MDGA2: variants seen among roughly 807,000 people sequenced by gnomAD.
MDGA2 encodes the protein MAM domain containing glycosylphosphatidylinositol anchor 2.
MDGA2 carries 40 observed loss-of-function variants against 117.8 expected under a neutral mutation model. That is an observed-to-expected ratio of 0.34 (90% CI 0.26 to 0.44). The LOEUF is 0.44. MDGA2 is among the 20% of genes least tolerant of loss of function. The pLI is 1.00. For synonymous variants in MDGA2, 452 were observed against 439.0 expected, an observed-to-expected ratio of 1.03 and a Z score of -0.37; for missense variants, 1,123 against 1,250.6, an observed-to-expected ratio of 0.90 and a Z score of 1.54.
intron 6 of MDGA2, among the ~76,000 whole-genome samples, chr14:47,062,767 A>T (rs1889937666): frequency 6.6e-6 from 1 of 152,096 alleles, no homozygotes; most frequent in Non-Finnish European, 1.5e-5. Context: ...AATAAAAACC[A>T]GTAAGCACTA....
Position 47,388,873 on chromosome 14 carries a change from T to C in MDGA2, c.281-87323A>G, listed in dbSNP as rs118164430. Reference sequence around the variant, plus strand: ...CATACGATGACACACTCAGCCTCCTTGCAGTATAAAGTGCTTTCTACCTCT... The same window carrying C: ...CATACGATGACACACTCAGCCTCCTCGCAGTATAAAGTGCTTTCTACCTCT... On this transcript the variant is annotated intron_variant, in intron 1 of 16. Transcript: ENST00000399232. Among the ~76,000 whole-genome samples the C allele has an allele frequency of 3.5e-4, 54 of 152,274 alleles. 1 individual carries two copies. In the East Asian group the frequency reaches 8.7e-3, roughly 25 times the overall value.
intron 1 of MDGA2, among the ~76,000 whole-genome samples, chr14:47,392,030 G>A (rs1190684893): frequency 6.6e-6 from 1 of 152,118 alleles, no homozygotes; most frequent in East Asian, 1.9e-4. Context: ...CTGTAACAGG[G>A]TGACCTTAAA....
chr14:47,171,924 T>C (rs975793416), intron 3 of MDGA2, among the ~76,000 whole-genome samples: 1 of 152,102 alleles, frequency 6.6e-6, no homozygotes, highest in African/African-American at 2.4e-5. Flanking sequence ...GCACCTGGAA[T>C]ATCGGGTCAT....
At position 47,212,429 on chromosome 14, in the gene MDGA2, A is replaced by G. The variant is rs139179105; in HGVS notation, c.595+5592T>C. On this transcript the variant is annotated intron_variant, in intron 3 of 16. Coordinates refer to ENST00000399232, the MANE Select transcript of MDGA2 (RefSeq NM_001113498.3). ...CACATCTGTACTTTATTAATTTTTT[A>G]AAAATCAAACTATGCAAGTGCAGTT... Among the ~76,000 whole-genome samples the G allele has an allele frequency of 6.0e-3, 918 of 152,294 alleles. 5 individuals carry two copies. The highest frequency in any genetic ancestry group is 9.8e-3 in the Non-Finnish European group (669 of 68,014).
intron 1 of MDGA2, among the ~76,000 whole-genome samples, chr14:47,478,254 T>A (rs1295747864): frequency 6.6e-6 from 1 of 152,214 alleles, no homozygotes; most frequent in Non-Finnish European, 1.5e-5. Context: ...AGGAGACATA[T>A]TTTTAACATG....
intron 2 of MDGA2, among the ~76,000 whole-genome samples, chr14:47,242,038 C>T (rs991540089): frequency 1.3e-5 from 2 of 151,620 alleles, no homozygotes; most frequent in African/African-American, 4.8e-5. Flanking sequence ...TTTTATTTTC[C>T]TTAGTATCTT....
intron 9 of MDGA2, among the ~76,000 whole-genome samples, chr14:46,950,220 T>C (rs1885321276): frequency 6.6e-6 from 1 of 151,874 alleles, no homozygotes; most frequent in Admixed American, 6.6e-5. Context: ...TCCTAATTTT[T>C]CAGATTTCGC....
chr14:47,641,536 C>G (rs898473304), intron 1 of MDGA2, among the ~76,000 whole-genome samples: 1 of 151,808 alleles, frequency 6.6e-6, no homozygotes, highest in African/African-American at 2.4e-5. Context: ...GAGAGGATAC[C>G]AAAAAGAAAC....
intron 8 of MDGA2, among the ~76,000 whole-genome samples, chr14:46,972,223 G>C (rs1886297671): frequency 6.6e-6 from 1 of 152,134 alleles, no homozygotes; most frequent in African/African-American, 2.4e-5. Flanking sequence ...AAACTGAATT[G>C]TTGAATACCC....
At chr14:47,067,010 G>A (rs972886940) in intron 6 of MDGA2, among the ~76,000 whole-genome samples, 1 of 152,144 alleles carries the variant, frequency 6.6e-6, no homozygotes, top group African/African-American at 2.4e-5. Context: ...AGCTACTTGG[G>A]AGGCTTAGGC....
intron 9 of MDGA2, among the ~76,000 whole-genome samples, chr14:46,937,607 T>A (rs964148560): frequency 6.6e-6 from 1 of 152,098 alleles, no homozygotes; most frequent in African/African-American, 2.4e-5. Context: ...TGCTGGCACA[T>A]AGACGAATGG....
At position 46,884,783 on chromosome 14, in the gene MDGA2, C is replaced by T. The variant is rs1882605273; in HGVS notation, c.2239-2562G>A. On this transcript the variant is annotated intron_variant, in intron 10 of 16. Transcript: ENST00000399232. The surrounding 1 kb of genome is among the most constrained non-coding windows in gnomAD (Gnocchi z 4.1). ...ATTAAACAATTAAATTTAAAACATA[C>T]AATTTAAATCAGTTAGGAAAAATAC... Among the ~76,000 whole-genome samples the T allele has an allele frequency of 6.6e-6, 1 of 151,768 alleles. No homozygotes were observed.
At chr14:47,271,553 C>T (rs1888144444) in intron 2 of MDGA2, among the ~76,000 whole-genome samples, 1 of 152,084 alleles carries the variant, frequency 6.6e-6, no homozygotes, top group African/African-American at 2.4e-5. Flanking sequence ...GTGCTCATTG[C>T]CCTGGAAGGA....
At chr14:47,146,369 T>C (rs1269920532) in intron 3 of MDGA2, among the ~76,000 whole-genome samples, 1 of 152,200 alleles carries the variant, frequency 6.6e-6, no homozygotes, top group Non-Finnish European at 1.5e-5. Context: ...GAACAACTGC[T>C]GCTTTTTGGT....
intron 2 of MDGA2, among the ~76,000 whole-genome samples, chr14:47,226,647 C>T (rs1812235733): frequency 6.6e-6 from 1 of 152,044 alleles, no homozygotes; most frequent in Non-Finnish European, 1.5e-5. Flanking sequence ...GGTGCAAATG[C>T]TTATAAATAT....
intron 10 of MDGA2, among the ~76,000 whole-genome samples, chr14:46,901,267 G>A (rs1883275797): frequency 6.6e-6 from 1 of 151,860 alleles, no homozygotes; most frequent in African/African-American, 2.4e-5. Flanking sequence ...ACACCAACAC[G>A]GCACATGTAT....
At chr14:46,949,046 T>C (rs1885275027) in intron 9 of MDGA2, among the ~76,000 whole-genome samples, 1 of 152,040 alleles carries the variant, frequency 6.6e-6, no homozygotes, top group Admixed American at 6.6e-5. Flanking sequence ...TACTGCTTTG[T>C]TTTTAAAACA....
chr14:47,477,356 A>G lies in MDGA2; in HGVS notation c.281-175806T>C, dbSNP rs557282305. ...AGAAAACATGTATTTCAATTTTAAT[A>G]TCTTTGGAACCTAAAGTAGTGTCAA... On this transcript the variant is annotated intron_variant, in intron 1 of 16. Transcript: ENST00000399232. Among the ~76,000 whole-genome samples, 5 of 152,282 alleles carry G rather than the reference A, an allele frequency of 3.3e-5. No homozygotes were observed. The South Asian group carries it at 6.2e-4, about 19-fold the overall frequency.
At chr14:47,518,766 T>G (rs998938125) in intron 1 of MDGA2, among the ~76,000 whole-genome samples, 33 of 152,210 alleles carry the variant, frequency 2.2e-4, no homozygotes, top group African/African-American at 8.0e-4. Flanking sequence ...CTGCTTTATA[T>G]AAAGTCTGGT....
Sources: allele counts gnomAD v4.1 joint callset (sites outside exome capture counted in the v4.1 genomes callset), GRCh38; gene constraint gnomAD v4.1.1; non-coding constraint Gnocchi (gnomAD v3.1); transcripts MANE v1.5; gene names NCBI Gene and HGNC (gene_info 2026-07-23, HGNC 2026-07-21).